The following RFX3 variants were observed in gnomAD, a reference collection of about 807,000 sequenced individuals.
The protein encoded by RFX3 is transcription factor RFX3.
In RFX3, 14 loss-of-function variants were observed where a neutral mutation model predicts 98.6. That is an observed-to-expected ratio of 0.14 (90% CI 0.09 to 0.22). The LOEUF (loss-of-function observed/expected upper bound fraction) is 0.22, where lower values mean the gene tolerates loss of function less well. RFX3 is among the 10% of genes least tolerant of loss of function. The pLI is 1.00. For missense variants in RFX3, 639 were observed against 926.9 expected (o/e 0.69, Z 4.03); for synonymous variants, 383 against 328.4 (o/e 1.17, Z -1.80).
chr9:3,502,042 G>C (rs1043846886), intron 1 of RFX3, among the ~76,000 whole-genome samples: 31 of 151,562 alleles, frequency 2.0e-4, no homozygotes, highest in African/African-American at 7.0e-4. Flanking sequence ...ACGAGGTCAG[G>C]AGATCGAGAC....
intron 15 of RFX3, among the ~76,000 whole-genome samples, chr9:3,246,718 A>G (rs1428537768): frequency 6.6e-6 from 1 of 152,216 alleles, no homozygotes; most frequent in Non-Finnish European, 1.5e-5. Context: ...GAAGTCAAAT[A>G]TAAGAAAAGT....
intron 1 of RFX3, among the ~76,000 whole-genome samples, chr9:3,443,214 G>T (rs1040324471): frequency 6.6e-6 from 1 of 152,126 alleles, no homozygotes; most frequent in Non-Finnish European, 1.5e-5. Context: ...CAACTTTTAA[G>T]TTCAGCGGTA....
At chr9:3,453,801 G>C (rs1846897842) in intron 1 of RFX3, 1 of 150,436 alleles carries the variant, frequency 6.6e-6, no homozygotes, top group Non-Finnish European at 1.5e-5. Context: ...TAATTATACA[G>C]AGTGCTACAG....
intron 4 of RFX3, among the ~76,000 whole-genome samples, chr9:3,313,189 C>T (rs1050942605): frequency 1.3e-5 from 2 of 152,206 alleles, no homozygotes; most frequent in Non-Finnish European, 2.9e-5. Context: ...AATCAGGCAG[C>T]AACATCTGCC....
At position 3,420,919 on chromosome 9, in the gene RFX3, G is replaced by A. The variant is rs916508593; in HGVS notation, c.-8-25323C>T. On this transcript the variant is annotated intron_variant, in intron 1 of 16. Coordinates refer to ENST00000617270, the MANE Select transcript of RFX3 (RefSeq NM_001282116.2). Reference sequence around the variant, plus strand: ...GGTCAAATCTGAAACCAGCAAATATGGATCTTTCTCATCTGTAAAGTTCTG... The same window carrying A: ...GGTCAAATCTGAAACCAGCAAATATAGATCTTTCTCATCTGTAAAGTTCTG... 4 of 984,478 alleles carry A rather than the reference G, an allele frequency of 4.1e-6. No individual in the cohort carries two copies. The Admixed American group carries it at 2.5e-4, about 61-fold the overall frequency. The allele number at this position is 984,478 out of a possible 1,614,324, so 61.0% of individuals were successfully genotyped here. A position where few individuals can be genotyped will look rare whatever the true frequency, so the allele number is the denominator to read the frequency against.
At chr9:3,465,876 C>G (rs1410445644) in intron 1 of RFX3, among the ~76,000 whole-genome samples, 1 of 151,532 alleles carries the variant, frequency 6.6e-6, no homozygotes, top group East Asian at 1.9e-4. Flanking sequence ...TCCTAAAAAT[C>G]AGGATTTGAA....
chr9:3,518,602 C>G (rs1282717448), intron 1 of RFX3, among the ~76,000 whole-genome samples: 6 of 152,022 alleles, frequency 3.9e-5, no homozygotes, highest in African/African-American at 1.4e-4. Flanking sequence ...ATAGATCACT[C>G]TAAAATGAGA....
Position 3,225,288 on chromosome 9 carries a change from A to G in RFX3, c.2012-8T>C, listed in dbSNP as rs750924659. 6.2e-7 allele frequency: 1 copy of G among 1,612,658 alleles called. No homozygotes were observed. The highest frequency in any genetic ancestry group is 1.1e-5 in the South Asian group (1 of 91,050). ...CTACTTCACTGCCTTCATCTGCACA[A>G]ACAAATAATACCAAGACTATCATCG... is the stretch of plus-strand genomic sequence containing the variant. On this transcript the variant is annotated splice_region_variant and splice_polypyrimidine_tract_variant and intron_variant, in intron 16 of 16. Transcript: ENST00000617270.
At chr9:3,462,402 TAATAA>T (rs1385681380) in intron 1 of RFX3, among the ~76,000 whole-genome samples, 1 of 151,990 alleles carries the variant, frequency 6.6e-6, no homozygotes, top group Non-Finnish European at 1.5e-5. Flanking sequence ...TTCCTCAGCC[TAATAA>T]AAGGCATCCA....
intron 1 of RFX3, among the ~76,000 whole-genome samples, chr9:3,514,959 C>T (rs1002698451): frequency 1.3e-5 from 2 of 152,124 alleles, no homozygotes; most frequent in Admixed American, 6.6e-5. Flanking sequence ...TAAACTGACA[C>T]GTCATCAAAA....
chr9:3,346,749 T>A lies in RFX3; in HGVS notation c.133A>T (p.Thr45Ser). The change falls in exon 3 of 17, where the codon ACT becomes TCT. Residue 45 changes from threonine to serine, a missense_variant. Thr to Ser is a moderately conservative substitution (Grantham distance 58). Transcript: ENST00000617270. ...TAGACATGTTGTACCTGCTGCACAG[T>A]CTGTACCTGCTGTACCTGAAAAACA... Reference protein sequence around the residue: ...PVQQQVQQVQTVQQVQHVYPA... With the variant: ...PVQQQVQQVQSVQQVQHVYPA... 1 of 1,612,996 alleles carries A rather than the reference T, an allele frequency of 6.2e-7. No individual in the cohort carries two copies.
intron 1 of RFX3, among the ~76,000 whole-genome samples, chr9:3,495,327 T>C (rs1358294891): frequency 6.6e-6 from 1 of 152,036 alleles, no homozygotes; most frequent in East Asian, 1.9e-4. Context: ...GTTCTACATT[T>C]CTACAAGTGG....
chr9:3,458,480 TC>T (rs1264825244), intron 1 of RFX3, among the ~76,000 whole-genome samples: 1 of 152,126 alleles, frequency 6.6e-6, no homozygotes, highest in Non-Finnish European at 1.5e-5. Context: ...AGGATTCAGA[TC>T]AGAAACATCA....
At chr9:3,307,095 C>T (rs985199649) in intron 4 of RFX3, among the ~76,000 whole-genome samples, 1 of 152,116 alleles carries the variant, frequency 6.6e-6, no homozygotes, top group Non-Finnish European at 1.5e-5. Flanking sequence ...CCACCATCCA[C>T]ATAAGATGTG....
chr9:3,280,665 C>T lies in RFX3; in HGVS notation c.852-3204G>A, dbSNP rs925063296. On this transcript the variant is annotated intron_variant, in intron 7 of 16. Transcript: ENST00000617270. ...AGTGGTTGTAGATTATATATCACTG[C>T]TTTTGAAATCTAAGTGCATATCAAT... Among the ~76,000 whole-genome samples the T allele has an allele frequency of 3.8e-4, 58 of 151,776 alleles. 1 individual carries two copies. The highest frequency in any genetic ancestry group is 2.1e-3 in the Admixed American group (32 of 15,164).
intron 12 of RFX3, 54 bp from the exon 13 acceptor site, chr9:3,263,138 A>G: frequency 6.4e-7 from 1 of 1,571,690 alleles, no homozygotes; most frequent in Non-Finnish European, 8.7e-7. Flanking sequence ...AAAAGAAACC[A>G]CTGCAATTTT....
intron 1 of RFX3, among the ~76,000 whole-genome samples, chr9:3,404,037 A>C (rs575499512): frequency 6.6e-6 from 1 of 152,310 alleles, no homozygotes; most frequent in South Asian, 2.1e-4. Context: ...AGACTCAAAG[A>C]GATCAACACA....
intron 13 of RFX3, among the ~76,000 whole-genome samples, chr9:3,262,346 G>T (rs1455966443): frequency 6.6e-6 from 1 of 152,056 alleles, no homozygotes; most frequent in African/African-American, 2.4e-5. Context: ...TGATCACAAG[G>T]TTAAAAAATA....
chr9:3,313,476 C>A (rs535511833), intron 4 of RFX3, among the ~76,000 whole-genome samples: 2 of 152,192 alleles, frequency 1.3e-5, no homozygotes, highest in East Asian at 3.8e-4. Context: ...TCCAAAGGAA[C>A]GCAGCTCCCC....
Sources: allele counts gnomAD v4.1 joint callset (sites outside exome capture counted in the v4.1 genomes callset), GRCh38; gene constraint gnomAD v4.1.1; transcripts MANE v1.5; gene names NCBI Gene and HGNC (gene_info 2026-07-23, HGNC 2026-07-21).